The following DAP variants were observed in gnomAD, a reference collection of about 807,000 sequenced individuals.
DAP encodes the protein death-associated protein 1.
DAP carries 8 observed loss-of-function variants against 13.8 expected under a neutral mutation model. That is an observed-to-expected ratio of 0.58 (90% CI 0.34 to 1.05). The LOEUF (loss-of-function observed/expected upper bound fraction) is 1.05. Ranked by LOEUF, DAP falls within the 50% of genes least tolerant of loss-of-function variation. The probability of loss-of-function intolerance (pLI) is 0.03; values close to 1 mark genes in which losing one functional copy is unlikely to be tolerated. For synonymous variants in DAP, 47 were observed against 47.5 expected, an observed-to-expected ratio of 0.99 and a Z score of 0.04; for missense variants, 106 against 133.2, an observed-to-expected ratio of 0.80 and a Z score of 1.01.
Position 10,702,574 on chromosome 5 carries a change from A to G in DAP, c.153-19003T>C, listed in dbSNP as rs562083190. ...CTCAGGCTAACAGGTACTTCTTCAG[A>G]TCTTTTCAAGGCAAACTTGAGAATG... On this transcript the variant is annotated intron_variant, in intron 2 of 3. Transcript: ENST00000230895. Among the ~76,000 whole-genome samples, 222 of 152,246 alleles carry G rather than the reference A, an allele frequency of 1.5e-3. 1 individual carries two copies. The highest frequency in any genetic ancestry group is 3.2e-4 in the Non-Finnish European group (22 of 68,016).
chr5:10,692,526 A>G (rs1217818089), intron 2 of DAP, among the ~76,000 whole-genome samples: 1 of 152,200 alleles, frequency 6.6e-6, no homozygotes, highest in Non-Finnish European at 1.5e-5. Context: ...ACGCTCTTCC[A>G]CAGGACAGTC....
At chr5:10,694,064 G>T (rs567865297) in intron 2 of DAP, among the ~76,000 whole-genome samples, 14 of 151,772 alleles carry the variant, frequency 9.2e-5, no homozygotes, top group African/African-American at 3.1e-4. Flanking sequence ...GTGCTCTTCA[G>T]TCGGGTCGTC....
intron 2 of DAP, among the ~76,000 whole-genome samples, chr5:10,710,370 T>TA (rs1738816814): frequency 6.6e-6 from 1 of 152,222 alleles, no homozygotes; most frequent in South Asian, 2.1e-4. Context: ...AGAATGGCCC[T>TA]GGCAGAGGCA....
chr5:10,739,820 CG>C (rs1739713594), intron 2 of DAP, among the ~76,000 whole-genome samples: 1 of 145,408 alleles, frequency 6.9e-6, no homozygotes, highest in African/African-American at 2.6e-5. Flanking sequence ...CACACACACA[CG>C]AATGGGTTTG....
intron 1 of DAP, among the ~76,000 whole-genome samples, chr5:10,760,241 A>C (rs548909171): frequency 6.6e-6 from 1 of 152,218 alleles, no homozygotes; most frequent in East Asian, 1.9e-4. Flanking sequence ...TGATCTTCTC[A>C]CCAGTGTCCC....
chr5:10,742,371 A>T (rs60562813), intron 2 of DAP, among the ~76,000 whole-genome samples: 12,575 of 152,074 alleles, frequency 0.083, 729 homozygotes, highest in East Asian at 0.29. Flanking sequence ...CGTCTCTACT[A>T]AAAAAATTAG....
chr5:10,746,218 A>T (rs1263748455), intron 2 of DAP, among the ~76,000 whole-genome samples: 1 of 152,190 alleles, frequency 6.6e-6, no homozygotes, highest in Non-Finnish European at 1.5e-5. Flanking sequence ...GTCGGGCCGC[A>T]AGTCCTACAG....
At chr5:10,750,315 C>A (rs1016579989) in intron 1 of DAP, among the ~76,000 whole-genome samples, 2 of 152,162 alleles carry the variant, frequency 1.3e-5, no homozygotes, top group African/African-American at 4.8e-5. Context: ...TCTTCAATTT[C>A]CCTGGGAGAC....
Position 10,748,176 on chromosome 5 carries a change from T to C in DAP, c.151A>G (p.Ser51Gly). The C allele has an allele frequency of 6.2e-7, 1 of 1,609,004 alleles. No homozygotes were observed. The highest frequency in any genetic ancestry group is 8.5e-7 in the Non-Finnish European group (1 of 1,175,296). ...CAAGAGTCGCTAGCATCATCCCACC[T>C]GGGGCTTTCCCATTCCTGGTCATCC... ...DKDDQEWESP[S>G]PPKPTVFISG... Residue 51 changes from serine (S) to glycine (G), a missense_variant and splice_region_variant, in exon 2 of 4, where the codon AGT becomes GGT. Transcript: ENST00000230895.
chr5:10,710,978 G>C (rs1432788673), intron 2 of DAP, among the ~76,000 whole-genome samples: 4 of 152,248 alleles, frequency 2.6e-5, no homozygotes, highest in Non-Finnish European at 5.9e-5. Context: ...TTACCCTGGA[G>C]TGTGTTGTGT....
At chr5:10,734,111 G>A (rs1001208114) in intron 2 of DAP, 1 of 152,204 alleles carries the variant, frequency 6.6e-6, no homozygotes, top group African/African-American at 2.4e-5. Context: ...AAACAAAGGA[G>A]CCTCCGTTCC....
At chr5:10,735,785 T>A (rs910544949) in intron 2 of DAP, among the ~76,000 whole-genome samples, 1 of 152,186 alleles carries the variant, frequency 6.6e-6, no homozygotes, top group Non-Finnish European at 1.5e-5. Flanking sequence ...TAATAAATTA[T>A]CGTGCTGTCA....
At chr5:10,708,199 A>G (rs1217572754) in intron 2 of DAP, among the ~76,000 whole-genome samples, 2 of 152,220 alleles carry the variant, frequency 1.3e-5, no homozygotes, top group Non-Finnish European at 2.9e-5. Flanking sequence ...GAATTGCTTA[A>G]AAGATTTTCT....
chr5:10,730,412 G>A (rs555677783), intron 2 of DAP, among the ~76,000 whole-genome samples: 11 of 152,298 alleles, frequency 7.2e-5, no homozygotes, highest in Non-Finnish European at 1.5e-4. Context: ...TGAGAGCCCC[G>A]GTGGGGGGGA....
intron 2 of DAP, among the ~76,000 whole-genome samples, chr5:10,702,471 C>T (rs180693507): frequency 2.0e-5 from 3 of 152,330 alleles, no homozygotes; most frequent in East Asian, 3.9e-4. Context: ...TATCTGGAGT[C>T]CCCAAGCAAA....
intron 2 of DAP, among the ~76,000 whole-genome samples, chr5:10,705,996 CCA>C (rs1357149484): frequency 8.5e-5 from 13 of 152,146 alleles, no homozygotes; most frequent in African/African-American, 3.1e-4. Context: ...GAGAAAGAAG[CCA>C]CAGTCACCTC....
At chr5:10,699,850 C>A (rs1738523070) in intron 2 of DAP, among the ~76,000 whole-genome samples, 1 of 152,240 alleles carries the variant, frequency 6.6e-6, no homozygotes, top group Non-Finnish European at 1.5e-5. Context: ...GTGTCCCCTG[C>A]CTTGAGGGAG....
chr5:10,687,388 T>C (rs921399635), intron 2 of DAP, among the ~76,000 whole-genome samples: 1 of 152,206 alleles, frequency 6.6e-6, no homozygotes, highest in African/African-American at 2.4e-5. Context: ...AATTTACTAC[T>C]ATAGATGCCA....
Position 10,721,655 on chromosome 5 carries a change from C to A in DAP, c.152+26520G>T, listed in dbSNP as rs528335283. Among the ~76,000 whole-genome samples, 6 of 152,310 alleles carry A rather than the reference C, an allele frequency of 3.9e-5. No individual in the cohort carries two copies. The South Asian group carries it at 8.3e-4, about 21-fold the overall frequency. On this transcript the variant is annotated intron_variant, in intron 2 of 3. Transcript: ENST00000230895. ...CAGGCAGGACTACAAATGGCTCAGA[C>A]CCCTCAAGAATGAAGCAGGGAAAAA...
Sources: allele counts gnomAD v4.1 joint callset (sites outside exome capture counted in the v4.1 genomes callset), GRCh38; gene constraint gnomAD v4.1.1; transcripts MANE v1.5; gene names NCBI Gene and HGNC (gene_info 2026-07-23, HGNC 2026-07-21).